The following TBL1X variants were observed in gnomAD, a reference collection of about 807,000 sequenced individuals.
TBL1X encodes F-box-like/WD repeat-containing protein TBL1X.
A neutral mutation model predicts 50.7 loss-of-function variants in TBL1X; 10 were observed. The observed-to-expected ratio is 0.20, with a 90% CI of 0.12 to 0.33. The LOEUF (loss-of-function observed/expected upper bound fraction) is 0.33, where lower values mean the gene tolerates loss of function less well. Ranked by LOEUF, TBL1X falls within the 10% of genes least tolerant of loss-of-function variation. The pLI is 1.00. For synonymous variants in TBL1X, 190 were observed against 214.7 expected, an observed-to-expected ratio of 0.88 and a Z score of 1.01; for missense variants, 340 against 504.4, an observed-to-expected ratio of 0.67 and a Z score of 3.12.
intron 2 of TBL1X, among the ~76,000 whole-genome samples, chrX:9,625,867 G>T (rs1025605632): frequency 2.7e-5 from 3 of 111,251 alleles, no homozygotes; most frequent in Admixed American, 9.8e-5. Flanking sequence ...TGAACCCGGC[G>T]GGGGGGCGGA....
At chrX:9,565,046 G>A (rs759036535) in intron 2 of TBL1X, among the ~76,000 whole-genome samples, 1 of 109,426 alleles carries the variant, frequency 9.1e-6, no homozygotes, top group Non-Finnish European at 1.9e-5. Context: ...CGAGGCGGGC[G>A]GGTCACGAGG....
chrX:9,536,255 A>AT (rs57650078), intron 2 of TBL1X, among the ~76,000 whole-genome samples: 32,040 of 98,121 alleles, frequency 0.33, 4,213 homozygotes, highest in East Asian at 0.58. Flanking sequence ...AGAATTGAGC[A>AT]TTTTTTTTTT....
Position 9,677,857 on chromosome X carries a change from G to A in TBL1X, c.212-6186G>A, listed in dbSNP as rs1036383515. ...CTACATAGGATTTTAGAATTGAAAG[G>A]GACCTTGTAGATCATTGAATTCCAC... On this transcript the variant is annotated intron_variant, in intron 5 of 17. Coordinates refer to ENST00000645353, the MANE Select transcript of TBL1X (RefSeq NM_005647.4). Among the ~76,000 whole-genome samples, 6 of 111,866 alleles carry A rather than the reference G, an allele frequency of 5.4e-5. 1 individual carries two copies. The highest frequency in any genetic ancestry group is 1.9e-4 in the African/African-American group (6 of 30,778).
intron 4 of TBL1X, among the ~76,000 whole-genome samples, chrX:9,654,004 G>GT (rs2082851329): frequency 9.0e-6 from 1 of 111,003 alleles, no homozygotes; most frequent in African/African-American, 3.3e-5. Context: ...GCCAACTCTT[G>GT]TTTTTTTGGA....
intron 1 of TBL1X, among the ~76,000 whole-genome samples, chrX:9,472,667 A>G (rs188664365): frequency 0.015 from 1,682 of 110,172 alleles, 31 homozygotes; most frequent in African/African-American, 0.052. Flanking sequence ...GCCCCCCAGC[A>G]CTTTGGGAGG....
chrX:9,492,826 T>G (rs2081951079), intron 1 of TBL1X, among the ~76,000 whole-genome samples: 2 of 98,779 alleles, frequency 2.0e-5, no homozygotes, highest in Non-Finnish European at 2.0e-5. Context: ...ATTGTTGAGA[T>G]TGGGGCTAGA....
chrX:9,675,702 A>G (rs1204596366), intron 5 of TBL1X, among the ~76,000 whole-genome samples: 2 of 111,027 alleles, frequency 1.8e-5, no homozygotes, highest in Non-Finnish European at 3.8e-5. Context: ...CAGCCTGGCT[A>G]ACATGAAATG....
intron 2 of TBL1X, among the ~76,000 whole-genome samples, chrX:9,609,336 G>GGTGT (rs775969638): frequency 0.029 from 2,787 of 94,676 alleles, 48 homozygotes; most frequent in African/African-American, 0.044. Flanking sequence ...TTTTCTTCCA[G>GGTGT]GTGTGTGTGT....
At chrX:9,503,352 C>T (rs1404377295) in intron 2 of TBL1X, among the ~76,000 whole-genome samples, 1 of 113,104 alleles carries the variant, frequency 8.8e-6, no homozygotes, top group Non-Finnish European at 1.9e-5. Context: ...GCCTCGTGTC[C>T]CAGCCCCAGA....
intron 2 of TBL1X, chrX:9,637,378 G>C (rs1179756797): frequency 8.9e-6 from 1 of 112,198 alleles, no homozygotes; most frequent in Admixed American, 9.4e-5. Flanking sequence ...ACATGATGAA[G>C]AAATGAATGT....
At chrX:9,662,826 T>C (rs910713151) in intron 5 of TBL1X, among the ~76,000 whole-genome samples, 1 of 111,989 alleles carries the variant, frequency 8.9e-6, no homozygotes, top group Non-Finnish European at 1.9e-5. Flanking sequence ...AGGCATGGGC[T>C]CACACCTGCA....
chrX:9,686,557 G>A (rs1235243426), intron 6 of TBL1X, among the ~76,000 whole-genome samples: 1 of 112,083 alleles, frequency 8.9e-6, no homozygotes, highest in Non-Finnish European at 1.9e-5. Flanking sequence ...AAATTAGCCA[G>A]GTGCAGTGGC....
chrX:9,466,072 C>T (rs1277127329), intron 1 of TBL1X, among the ~76,000 whole-genome samples: 3 of 112,613 alleles, frequency 2.7e-5, no homozygotes, highest in African/African-American at 9.6e-5. Flanking sequence ...ATCTCCCCGG[C>T]CTGAGCGCAC....
At chrX:9,509,081 GTT>G (rs58775925) in intron 2 of TBL1X, among the ~76,000 whole-genome samples, 2 of 102,600 alleles carry the variant, frequency 1.9e-5, no homozygotes, top group Admixed American at 2.1e-4. Context: ...TGTTTTTTTT[GTT>G]TTTTTTTTGT....
intron 2 of TBL1X, among the ~76,000 whole-genome samples, chrX:9,598,244 G>A (rs2082535958): frequency 9.0e-6 from 1 of 111,729 alleles, no homozygotes; most frequent in Admixed American, 9.5e-5. Flanking sequence ...CAATCAGCTT[G>A]TGGTACTTTG....
Position 9,687,687 on chromosome X carries a change from G to A in TBL1X, c.358-330G>A, listed in dbSNP as rs774461601. Among the ~76,000 whole-genome samples the A allele has an allele frequency of 4.7e-5, 3 of 63,977 alleles. No homozygotes were observed. The South Asian group carries it at 2.0e-3, about 44-fold the overall frequency. 55.6% of individuals were successfully genotyped at this position (63,977 alleles called of 115,157 possible). On this transcript the variant is annotated intron_variant, in intron 6 of 17. Coordinates refer to ENST00000645353, the MANE Select transcript of TBL1X (RefSeq NM_005647.4). ...GGAGTCACAGTCACCCCCCGCCCCC[G>A]CCACGTTGAGAATTGTGCCATCAGG...
intron 2 of TBL1X, among the ~76,000 whole-genome samples, chrX:9,629,486 G>T (rs1239963138): frequency 1.8e-5 from 2 of 112,125 alleles, no homozygotes; most frequent in Admixed American, 9.5e-5. Flanking sequence ...GAAAGGGGGA[G>T]GATAGTAAAC....
At chrX:9,483,573 C>T (rs1244641990) in intron 1 of TBL1X, among the ~76,000 whole-genome samples, 1 of 111,372 alleles carries the variant, frequency 9.0e-6, no homozygotes, top group Non-Finnish European at 1.9e-5. Flanking sequence ...AGCTGACCCT[C>T]CTCCCATCTT....
At chrX:9,509,821 C>T (rs1351973587) in intron 2 of TBL1X, among the ~76,000 whole-genome samples, 1 of 110,729 alleles carries the variant, frequency 9.0e-6, no homozygotes, top group Non-Finnish European at 1.9e-5. Flanking sequence ...TTTGCTGTCA[C>T]TGTTAATGGC....
Sources: allele counts gnomAD v4.1 joint callset (sites outside exome capture counted in the v4.1 genomes callset), GRCh38; gene constraint gnomAD v4.1.1; transcripts MANE v1.5; gene names NCBI Gene and HGNC (gene_info 2026-07-23, HGNC 2026-07-21).